CTCF: variants seen among roughly 807,000 people sequenced by gnomAD.
The protein encoded by CTCF is transcriptional repressor CTCF.
Under a neutral mutation model 72.3 loss-of-function variants are expected in CTCF, and 7 were observed. The ratio of observed to expected loss-of-function variants is 0.10; its 90% CI spans 0.06 to 0.18. The LOEUF is 0.18. Among genes scored for constraint, CTCF ranks in the 10% least tolerant of loss-of-function variants. The pLI is 1.00. For synonymous variants in CTCF, 374 were observed against 315.8 expected, an observed-to-expected ratio of 1.18 and a Z score of -1.95; for missense variants, 516 against 949.1, an observed-to-expected ratio of 0.54 and a Z score of 6.00.
rs2142825564 is a variant in CTCF at position 67,611,288 on chromosome 16, C to T, written c.456C>T (p.Pro152=). The change falls in exon 3 of 12, where the codon CCC becomes CCT. Residue 152 remains proline, a synonymous_variant. Transcript: ENST00000264010. ...VSKEGLAESE[P]MICHTLPLPE... is the part of the protein sequence containing the mutation. ...AAGAGGGCCTTGCGGAAAGTGAACC[C>T]ATGATATGCCACACCCTACCTTTGC... The T allele has an allele frequency of 1.2e-6, 2 of 1,614,072 alleles. No homozygotes were observed. Among genetic ancestry groups the T allele is most frequent in the Non-Finnish European group, 1.7e-6 (2 of 1,180,002 alleles).
intron 2 of CTCF, among the ~76,000 whole-genome samples, chr16:67,606,484 C>G (rs1567606456): frequency 2.0e-5 from 3 of 152,206 alleles, no homozygotes; most frequent in Admixed American, 2.0e-4. Flanking sequence ...CCAGGCCTCC[C>G]AAAATGCTGG....
In CTCF at chr16:67,611,239, G is replaced by A. The variant is rs2052058029; in HGVS notation, c.407G>A (p.Gly136Glu). Reference protein sequence around the residue: ...VATTSVEELQGAYENEVSKEG... With the variant: ...VATTSVEELQEAYENEVSKEG... ...ACCACTTCAGTAGAAGAACTTCAGG[G>A]GGCTTATGAAAATGAAGTGTCTAAA... is the stretch of plus-strand genomic sequence containing the variant. The change falls in exon 3 of 12, where the codon GGG (glycine) becomes GAG (glutamate). Residue 136 changes from glycine (G) to glutamate (E), a missense_variant. Coordinates refer to ENST00000264010, the MANE Select transcript of CTCF (RefSeq NM_006565.4). The A allele has an allele frequency of 6.2e-7, 1 of 1,614,114 alleles. No homozygotes were observed. The highest frequency in any genetic ancestry group is 1.1e-5 in the South Asian group (1 of 91,076).
intron 7 of CTCF, among the ~76,000 whole-genome samples, chr16:67,622,728 G>C (rs1238571415): frequency 6.9e-6 from 1 of 144,620 alleles, no homozygotes; most frequent in Admixed American, 7.2e-5. Context: ...ACTGCCACCT[G>C]TGCCTCCCAG....
intron 2 of CTCF, among the ~76,000 whole-genome samples, chr16:67,577,472 C>T (rs2051514477): frequency 6.7e-6 from 1 of 148,812 alleles, no homozygotes; most frequent in Admixed American, 6.7e-5. Flanking sequence ...GAGTCTCGCT[C>T]TGTTGCCCAG....
At chr16:67,625,436 G>A (rs2052270217) in intron 7 of CTCF, among the ~76,000 whole-genome samples, 1 of 152,198 alleles carries the variant, frequency 6.6e-6, no homozygotes, top group South Asian at 2.1e-4. Flanking sequence ...GTCACCTCAG[G>A]TGATCCACCT....
intron 1 of CTCF, among the ~76,000 whole-genome samples, chr16:67,564,225 A>C (rs2051315142): frequency 1.3e-5 from 2 of 152,206 alleles, no homozygotes; most frequent in South Asian, 4.1e-4. Flanking sequence ...GAATTGCGGG[A>C]GTCTTTTGCT....
chr16:67,629,749 T>A (rs1300458000), intron 10 of CTCF, among the ~76,000 whole-genome samples: 5 of 9,652 alleles, frequency 5.2e-4, no homozygotes, highest in South Asian at 3.1e-3. Flanking sequence ...TAATGCCCTT[T>A]TTTTTTTTTT....
rs1035865243 is a variant in CTCF, at chr16:67,562,949, C to T, written c.-127+225C>T. Among the ~76,000 whole-genome samples, 16 of 123,542 alleles carry T rather than the reference C, an allele frequency of 1.3e-4. No homozygotes were observed. The South Asian group carries it at 3.0e-3, about 23-fold the overall frequency. 81.0% of individuals were successfully genotyped at this position (123,542 alleles called of 152,430 possible). A position where few individuals can be genotyped will look rare whatever the true frequency, so the allele number is the denominator to read the frequency against. ...CCCGCCCGCCCGCCCGCCCGCTAGG[C>T]CTCCCTCCTGGCAGCGCGCTAGGCC... On this transcript the variant is annotated intron_variant, in intron 1 of 11. Coordinates refer to ENST00000264010, the MANE Select transcript of CTCF (RefSeq NM_006565.4).
intron 2 of CTCF, among the ~76,000 whole-genome samples, chr16:67,586,838 G>A (rs1457441973): frequency 6.6e-6 from 1 of 151,998 alleles, no homozygotes; most frequent in African/African-American, 2.4e-5. Context: ...TTCTGGTCCA[G>A]GCTGGAGTGC....
At chr16:67,630,737 G>A (rs566566940) in intron 10 of CTCF, among the ~76,000 whole-genome samples, 2 of 151,998 alleles carry the variant, frequency 1.3e-5, no homozygotes, top group East Asian at 1.9e-4. Context: ...TCTGGTGGTC[G>A]AAGTGAGACC....
intron 7 of CTCF, among the ~76,000 whole-genome samples, chr16:67,624,553 C>CT (rs1357454475): frequency 6.6e-6 from 1 of 151,934 alleles, no homozygotes; most frequent in Non-Finnish European, 1.5e-5. Flanking sequence ...TTATTTTAAC[C>CT]TTTTTTTCTC....
chr16:67,611,649 C>G (rs985139014), intron 3 of CTCF, 36 bp downstream of exon 3: 1 of 1,575,910 alleles, frequency 6.3e-7, no homozygotes, highest in Non-Finnish European at 8.6e-7. Flanking sequence ...TTCATAAAAC[C>G]ATTTTGGGAT....
chr16:67,626,452 C>CA lies in CTCF; in HGVS notation c.1358-82dup, dbSNP rs373304235. On this transcript the variant is annotated intron_variant, in intron 7 of 11. Coordinates refer to ENST00000264010, the MANE Select transcript of CTCF (RefSeq NM_006565.4). ...TGGGTGACAGAGCAAGACTCCGTCT[C>CA]AAAAAAAAAAAAAAAAAAAAAGAAT... The CA allele has an allele frequency of 0.098, 36,876 of 374,646 alleles. 81 individuals are homozygous for CA. The highest frequency in any genetic ancestry group is 0.11 in the Non-Finnish European group (28,246 of 265,732). 23.2% of individuals were successfully genotyped at this position (374,646 alleles called of 1,614,324 possible).
At chr16:67,633,328 G>C (rs760715128) in intron 10 of CTCF, among the ~76,000 whole-genome samples, 4 of 152,168 alleles carry the variant, frequency 2.6e-5, no homozygotes, top group African/African-American at 9.7e-5. Context: ...CAGCTGGTCA[G>C]ATGTCCCAGG....
chr16:67,606,872 C>G (rs987532781), intron 2 of CTCF, among the ~76,000 whole-genome samples: 3 of 150,656 alleles, frequency 2.0e-5, no homozygotes, highest in Non-Finnish European at 4.4e-5. Flanking sequence ...AAGCAATTCT[C>G]GAGCCTCACT....
chr16:67,628,469 A>C lies in CTCF; in HGVS notation c.1618A>C (p.Met540Leu). The change falls in exon 9 of 12, where the codon ATG (methionine) becomes CTG (leucine). Residue 540 changes from methionine to leucine, a missense_variant. By Grantham distance (15) the Met-to-Leu change is conservative. Around this residue, in one of 7 missense-constraint regions of CTCF, gnomAD observed 81 missense variants for 184.3 expected, o/e 0.44. Coordinates refer to ENST00000264010, the MANE Select transcript of CTCF (RefSeq NM_006565.4). The part of the protein sequence containing the change: ...KTFRQKQLLD[M>L]HFKRYHDPNF... Reference sequence around the variant, plus strand: ...CTTCCGCCAGAAGCAGCTTCTCGACATGCACTTCAAGCGCTATCACGACCC... The same window carrying C: ...CTTCCGCCAGAAGCAGCTTCTCGACCTGCACTTCAAGCGCTATCACGACCC... 6.2e-7 allele frequency: 1 copy of C among 1,614,212 alleles called. No homozygotes were observed. Among genetic ancestry groups the C allele is most frequent in the Non-Finnish European group, 8.5e-7 (1 of 1,180,048 alleles).
chr16:67,604,416 C>T (rs1300517554), intron 2 of CTCF, among the ~76,000 whole-genome samples: 1 of 152,156 alleles, frequency 6.6e-6, no homozygotes, highest in African/African-American at 2.4e-5. Flanking sequence ...GATCTTGGCT[C>T]ATTGCAAGCT....
chr16:67,609,155 C>A (rs1302182472), intron 2 of CTCF, among the ~76,000 whole-genome samples: 1 of 152,066 alleles, frequency 6.6e-6, no homozygotes, highest in Non-Finnish European at 1.5e-5. Flanking sequence ...TTGCTTCAGC[C>A]CAGGAGTTCA....
intron 4 of CTCF, among the ~76,000 whole-genome samples, chr16:67,614,104 TG>T (rs1214920211): frequency 6.6e-6 from 1 of 152,036 alleles, no homozygotes; most frequent in Non-Finnish European, 1.5e-5. Flanking sequence ...CCCATCACTT[TG>T]GGAGGCCGAG....
Sources: allele counts gnomAD v4.1 joint callset (sites outside exome capture counted in the v4.1 genomes callset), GRCh38; gene constraint gnomAD v4.1.1; regional missense constraint gnomAD v4.1.1; transcripts MANE v1.5; gene names NCBI Gene and HGNC (gene_info 2026-07-23, HGNC 2026-07-21).